CACNA2D3: variants seen among roughly 807,000 people sequenced by gnomAD.
The protein encoded by CACNA2D3 is voltage-dependent calcium channel subunit alpha-2/delta-3.
Under a neutral mutation model 160.6 loss-of-function variants are expected in CACNA2D3, and 60 were observed. That is an observed-to-expected ratio of 0.37 (90% CI 0.30 to 0.46). CACNA2D3 has a LOEUF of 0.46. CACNA2D3 is among the 20% of genes least tolerant of loss of function. The pLI, the probability that CACNA2D3 is intolerant of heterozygous loss-of-function variation, is 1.00. For synonymous variants in CACNA2D3, 558 were observed against 492.9 expected, an observed-to-expected ratio of 1.13 and a Z score of -1.75; for missense variants, 1,205 against 1,365.0, an observed-to-expected ratio of 0.88 and a Z score of 1.85.
At chr3:54,130,783 G>A (rs1271319082) in intron 2 of CACNA2D3, among the ~76,000 whole-genome samples, 2 of 152,226 alleles carry the variant, frequency 1.3e-5, no homozygotes, top group East Asian at 1.9e-4. Flanking sequence ...TCTCACAGGT[G>A]TTTGGGAGGA....
At chr3:54,285,303 G>T (rs937617562) in intron 2 of CACNA2D3, among the ~76,000 whole-genome samples, 1 of 152,200 alleles carries the variant, frequency 6.6e-6, no homozygotes, top group African/African-American at 2.4e-5. Context: ...GGCTCGGAGG[G>T]TCCTACGCCC....
At chr3:54,829,819 C>T (rs1056854417) in intron 14 of CACNA2D3, among the ~76,000 whole-genome samples, 3 of 151,168 alleles carry the variant, frequency 2.0e-5, no homozygotes, top group Non-Finnish European at 4.4e-5. Context: ...GTGAAAGAAC[C>T]TCTCCTTTGC....
At chr3:54,980,268 G>C (rs1388416537) in intron 29 of CACNA2D3, among the ~76,000 whole-genome samples, 1 of 152,130 alleles carries the variant, frequency 6.6e-6, no homozygotes, top group African/African-American at 2.4e-5. Context: ...TTTTGTGAAA[G>C]AGCAGATCAG....
At chr3:54,156,725 C>T (rs1242087625) in intron 2 of CACNA2D3, among the ~76,000 whole-genome samples, 1 of 152,140 alleles carries the variant, frequency 6.6e-6, no homozygotes, top group Non-Finnish European at 1.5e-5. Flanking sequence ...GCTGGACAAC[C>T]GTTAGCACTA....
chr3:54,209,522 A>G (rs1252765317), intron 2 of CACNA2D3, among the ~76,000 whole-genome samples: 1 of 152,258 alleles, frequency 6.6e-6, no homozygotes, highest in Non-Finnish European at 1.5e-5. Flanking sequence ...GCATTAAATT[A>G]CATTTTCAGT....
At chr3:54,786,344 T>C (rs1317815459) in intron 13 of CACNA2D3, among the ~76,000 whole-genome samples, 3 of 152,220 alleles carry the variant, frequency 2.0e-5, no homozygotes, top group Admixed American at 6.5e-5. Flanking sequence ...GGTAAAATAG[T>C]GTCCACTTGG....
At chr3:54,195,202 G>A (rs545123492) in intron 2 of CACNA2D3, among the ~76,000 whole-genome samples, 9 of 135,920 alleles carry the variant, frequency 6.6e-5, no homozygotes, top group East Asian at 4.1e-4. Context: ...CCGTCTGGCC[G>A]TTGTCCCAGG....
Position 54,151,802 on chromosome 3 carries a change from G to A in CACNA2D3, c.204+28208G>A, listed in dbSNP as rs1400886323. On this transcript the variant is annotated intron_variant, in intron 2 of 37. Transcript: ENST00000474759. ...GTCATACACAAAGCTACCTTCAGCC[G>A]CCTTTTCTGGACTCCGTCTCCATTC... 3.9e-5 allele frequency among the ~76,000 whole-genome samples: 6 copies of A among 152,218 alleles called. 1 individual carries two copies. Among genetic ancestry groups the A allele is most frequent in the Non-Finnish European group, 5.9e-5 (4 of 68,002 alleles).
chr3:55,000,793 A>C (rs945172916), intron 31 of CACNA2D3, among the ~76,000 whole-genome samples: 3 of 152,034 alleles, frequency 2.0e-5, no homozygotes, highest in African/African-American at 7.2e-5. Context: ...CTTGGGTTGA[A>C]AGTTGATTCT....
intron 13 of CACNA2D3, among the ~76,000 whole-genome samples, chr3:54,781,084 A>G (rs756310625): frequency 2.4e-4 from 36 of 152,132 alleles, no homozygotes; most frequent in Non-Finnish European, 4.0e-4. Flanking sequence ...GGTTAAAATA[A>G]TCTTAATTTT....
intron 2 of CACNA2D3, among the ~76,000 whole-genome samples, chr3:54,256,466 G>A (rs368222966): frequency 1.3e-5 from 2 of 152,188 alleles, no homozygotes; most frequent in African/African-American, 4.8e-5. Context: ...TTCTCATGCC[G>A]TATAGGGGCT....
intron 17 of CACNA2D3, among the ~76,000 whole-genome samples, chr3:54,864,403 A>G (rs1699356971): frequency 6.6e-6 from 1 of 151,950 alleles, no homozygotes; most frequent in Admixed American, 6.6e-5. Flanking sequence ...CCTCCAGAGT[A>G]GCTAGGACTA....
intron 29 of CACNA2D3, among the ~76,000 whole-genome samples, chr3:54,975,019 C>G (rs569860911): frequency 1.3e-5 from 2 of 152,292 alleles, no homozygotes; most frequent in Admixed American, 1.3e-4. Flanking sequence ...GTTGATCAGA[C>G]TGGACTCTAG....
At position 54,200,609 on chromosome 3, in the gene CACNA2D3, G is replaced by T. The variant is rs533955206; in HGVS notation, c.204+77015G>T. Among the ~76,000 whole-genome samples, 60 of 152,238 alleles carry T rather than the reference G, an allele frequency of 3.9e-4. 3 individuals carry two copies. The highest frequency in any genetic ancestry group is 1.5e-3 in the South Asian group (7 of 4,822). ...AGCTTTAGTGGTGGATATCCAGCTG[G>T]GAGGAAAGCATCAAGGTAAAATAAA... On this transcript the variant is annotated intron_variant, in intron 2 of 37. Transcript: ENST00000474759.
chr3:54,533,315 GTA>G (rs1701833687), intron 5 of CACNA2D3, among the ~76,000 whole-genome samples: 1 of 141,536 alleles, frequency 7.1e-6, no homozygotes, highest in Non-Finnish European at 1.5e-5. Context: ...ATGGGCTAAC[GTA>G]TTTTCTTTTC....
At chr3:54,518,558 C>T (rs978479675) in intron 5 of CACNA2D3, among the ~76,000 whole-genome samples, 1 of 152,208 alleles carries the variant, frequency 6.6e-6, no homozygotes, top group African/African-American at 2.4e-5. Flanking sequence ...TTGGCCTCAG[C>T]CACCCGACTC....
At chr3:54,212,539 G>C (rs1701394738) in intron 2 of CACNA2D3, among the ~76,000 whole-genome samples, 1 of 152,202 alleles carries the variant, frequency 6.6e-6, no homozygotes, top group African/African-American at 2.4e-5. Flanking sequence ...AGAGAGAATA[G>C]ATTGTAAATG....
chr3:54,231,090 C>CG (rs1389377149), intron 2 of CACNA2D3, among the ~76,000 whole-genome samples: 4 of 152,070 alleles, frequency 2.6e-5, no homozygotes, highest in Non-Finnish European at 5.9e-5. Context: ...ACATGTGAGC[C>CG]GGGGTGTGGT....
chr3:54,859,366 A>T (rs148680174), intron 17 of CACNA2D3, among the ~76,000 whole-genome samples: 11 of 152,224 alleles, frequency 7.2e-5, no homozygotes. Flanking sequence ...TCATCATGTG[A>T]TAGGCACATC....
Sources: allele counts gnomAD v4.1 joint callset (sites outside exome capture counted in the v4.1 genomes callset), GRCh38; gene constraint gnomAD v4.1.1; transcripts MANE v1.5; gene names NCBI Gene and HGNC (gene_info 2026-07-23, HGNC 2026-07-21).